The following VCPKMT variants were observed in gnomAD, a reference collection of about 807,000 sequenced individuals.
VCPKMT encodes the protein protein N-lysine methyltransferase METTL21D.
Under a neutral mutation model 28.6 loss-of-function variants are expected in VCPKMT, and 32 were observed. That is an observed-to-expected ratio of 1.12 (90% CI 0.84 to 1.50). VCPKMT has a LOEUF of 1.50. Ranked by LOEUF, VCPKMT falls within the 40% of genes most tolerant of loss-of-function variation. The probability of loss-of-function intolerance (pLI) is 0.00; values close to 1 mark genes in which losing one functional copy is unlikely to be tolerated. For synonymous variants in VCPKMT, 138 were observed against 111.4 expected (o/e 1.24, Z -1.50); for missense variants, 366 against 285.0 (o/e 1.28, Z -2.05).
In VCPKMT at chr14:50,116,422, T is replaced by C; in HGVS notation, c.131A>G (p.Asp44Gly). Residue 44 changes from aspartate (D) to glycine (G), a missense_variant, in exon 1 of 6, where the codon GAC (aspartate) becomes GGC (glycine). By Grantham distance (94) the Asp-to-Gly change is moderately conservative. Transcript: ENST00000395860. ...GTATTTAGAAAGGACAATGGCAGCG[T>C]CCCACACAACGCAACCCACGCCACC... ...SSGGVGCVVW[D>G]AAIVLSKYLE... 1.9e-6 allele frequency: 3 copies of C among 1,613,956 alleles called. No homozygotes were observed. Among genetic ancestry groups the C allele is most frequent in the Non-Finnish European group, 2.5e-6 (3 of 1,179,942 alleles).
At chr14:50,112,849 C>CAT in intron 4 of VCPKMT, 130 bp from the exon 5 acceptor site, 6 of 543,092 alleles carry the variant, frequency 1.1e-5, no homozygotes, top group Non-Finnish European at 1.9e-5. Flanking sequence ...TGCAGTGGTG[C>CAT]GATCTTGGCT....
At chr14:50,104,693 G>GA (rs752691243), downstream of VCPKMT, among the ~76,000 whole-genome samples, 41 of 87,258 alleles carry the variant, frequency 4.7e-4, no homozygotes, top group South Asian at 1.5e-3. Flanking sequence ...TTACTCTATT[G>GA]AAAAAAAAAA....
chr14:50,114,045 G>A (rs1439498573), intron 4 of VCPKMT, among the ~76,000 whole-genome samples: 3 of 152,192 alleles, frequency 2.0e-5, no homozygotes, highest in Non-Finnish European at 4.4e-5. Context: ...TTAAAAAGGA[G>A]TGGCACCCGT....
At chr14:50,110,157 G>C (rs1054327421) in intron 5 of VCPKMT, among the ~76,000 whole-genome samples, 1 of 152,196 alleles carries the variant, frequency 6.6e-6, no homozygotes. Context: ...TCACACAGGA[G>C]AATCACTTGA....
In VCPKMT at chr14:50,113,915, C is replaced by CAAAACAGAAACA. The variant is rs1555366450; in HGVS notation, c.570+369_570+370insTGTTTCTGTTTT. Among the ~76,000 whole-genome samples, 389 of 150,996 alleles carry CAAAACAGAAACA rather than the reference C, an allele frequency of 2.6e-3. 2 individuals are homozygous for CAAAACAGAAACA. The highest frequency in any genetic ancestry group is 8.9e-3 in the African/African-American group (366 of 41,068). Reference sequence around the variant, plus strand: ...TGGGCTACAGGGTGAAACCCTGTCTCAAAACAAAAACAACTTATCACCTGC... The same window carrying CAAAACAGAAACA: ...TGGGCTACAGGGTGAAACCCTGTCTCAAAACAGAAACAAAAACAAAAACAACTTATCACCTGC... On this transcript the variant is annotated intron_variant, in intron 4 of 5. Coordinates refer to ENST00000395860, the MANE Select transcript of VCPKMT (RefSeq NM_024558.3).
Position 50,116,147 on chromosome 14 carries a change from A to G in VCPKMT, c.299T>C (p.Leu100Ser), listed in dbSNP as rs1438561800. The change falls in exon 2 of 6, where the codon TTG becomes TCG. Residue 100 changes from leucine to serine, a missense_variant. Transcript: ENST00000395860. ...ADVVVTDLEE[L>S]QDLLKMNINM... is the part of the protein sequence containing the mutation. Reference sequence around the variant, plus strand: ...AATATTCATCTTCAGCAAGTCTTGCAATTCCTCAAGATCGGTGACTACAAC... The same window carrying G: ...AATATTCATCTTCAGCAAGTCTTGCGATTCCTCAAGATCGGTGACTACAAC... 6.2e-7 allele frequency: 1 copy of G among 1,614,136 alleles called. No homozygotes were observed.
At chr14:50,116,242 C>T (rs751587593) in intron 1 of VCPKMT, 45 bp downstream of exon 1, 1 of 1,611,502 alleles carries the variant, frequency 6.2e-7, no homozygotes, top group African/African-American at 1.3e-5. Context: ...CGGATTTCCC[C>T]AGCAAGAAGG....
Position 50,114,403 on chromosome 14 carries a change from GA to G in VCPKMT, c.451del (p.Ser151LeufsTer6). On this transcript the variant is annotated frameshift_variant and splice_region_variant, in exon 4 of 6. Transcript: ENST00000395860. LOFTEE classifies it high-confidence loss of function. ...LMADCIYYEE[S>X]LEPLLKTLKD... ...TAGAGTTTTCAGCAATGGCTCCAAAGACTATTTAAAAAAGAATATATTTTTT... is the reference window on the plus strand; with the variant it reads ...TAGAGTTTTCAGCAATGGCTCCAAAGCTATTTAAAAAAGAATATATTTTTT... 1 of 1,511,810 alleles carries G rather than the reference GA, an allele frequency of 6.6e-7. No individual in the cohort carries two copies. The highest frequency in any genetic ancestry group is 8.8e-7 in the Non-Finnish European group (1 of 1,132,968). 93.6% of individuals were successfully genotyped at this position (1,511,810 alleles called of 1,614,324 possible). A position where few individuals can be genotyped will look rare whatever the true frequency, so the allele number is the denominator to read the frequency against.
At chr14:50,103,423 C>A in the VCPKMT span, among the ~76,000 whole-genome samples, 1 of 152,194 alleles carries the variant, frequency 6.6e-6, no homozygotes, top group South Asian at 2.1e-4. Context: ...GATCAAGTCT[C>A]AGACTTCAGA....
chr14:50,116,516 G>A lies in VCPKMT; in HGVS notation c.37C>T (p.Leu13=), dbSNP rs777921566. ...DTLESSLEDP[L]RSFVRVLEKR... is the part of the protein sequence containing the mutation. ...TCCAAAACTCGCACAAAGCTCCGCA[G>A]TGGGTCCTCCAGCGAGGACTCCAGC... Residue 13 remains leucine, a synonymous_variant, in exon 1 of 6, where the codon CTG becomes TTG. Coordinates refer to ENST00000395860, the MANE Select transcript of VCPKMT (RefSeq NM_024558.3). 3 of 1,613,452 alleles carry A rather than the reference G, an allele frequency of 1.9e-6. No homozygotes were observed. The highest frequency in any genetic ancestry group is 1.3e-5 in the African/African-American group (1 of 74,920).
In VCPKMT at chr14:50,108,872, C is replaced by T. The variant is rs908393773; in HGVS notation, c.*827G>A. ...GTAGTTATTCAAAAACCTTTCACTG[C>T]TTCATGTAAACAATACCAGTATTTT... On this transcript the variant is annotated 3_prime_UTR_variant, in exon 6 of 6. Coordinates refer to ENST00000395860, the MANE Select transcript of VCPKMT (RefSeq NM_024558.3). The T allele has an allele frequency of 5.2e-5, 51 of 985,298 alleles. No homozygotes were observed. The highest frequency in any genetic ancestry group is 5.2e-4 in the Middle Eastern group (1 of 1,936). 61.0% of individuals were successfully genotyped at this position (985,298 alleles called of 1,614,324 possible). A position where few individuals can be genotyped will look rare whatever the true frequency, so the allele number is the denominator to read the frequency against.
At position 50,114,415 on chromosome 14, in the gene VCPKMT, A is replaced by C. The variant is rs768997670; in HGVS notation, c.451-11T>G. On this transcript the variant is annotated splice_polypyrimidine_tract_variant and intron_variant, in intron 3 of 5. Transcript: ENST00000395860. ...CAATGGCTCCAAAGACTATTTAAAA[A>C]AGAATATATTTTTTGTTTTTGATTT... The C allele has an allele frequency of 1.4e-5, 20 of 1,457,196 alleles. No individual in the cohort carries two copies. The highest frequency in any genetic ancestry group is 1.7e-5 in the Non-Finnish European group (19 of 1,102,704). The allele number at this position is 1,457,196 out of a possible 1,614,324, so 90.3% of individuals were successfully genotyped here.
rs780710551 is a variant in VCPKMT at position 50,109,320 on chromosome 14, C to T, written c.*379G>A. 2.0e-6 allele frequency: 2 copies of T among 1,010,346 alleles called. No homozygotes were observed. The highest frequency in any genetic ancestry group is 2.4e-6 in the Non-Finnish European group (2 of 847,058). The allele number at this position is 1,010,346 out of a possible 1,614,324, so 62.6% of individuals were successfully genotyped here. A position where few individuals can be genotyped will look rare whatever the true frequency, so the allele number is the denominator to read the frequency against. Reference sequence around the variant, plus strand: ...AATTTAAAACATTATTATATAATAGCAGATAGTTCTCTTCAGAAATTTATC... The same window carrying T: ...AATTTAAAACATTATTATATAATAGTAGATAGTTCTCTTCAGAAATTTATC... On this transcript the variant is annotated 3_prime_UTR_variant, in exon 6 of 6. Coordinates refer to ENST00000395860, the MANE Select transcript of VCPKMT (RefSeq NM_024558.3).
chr14:50,106,284 C>T (rs1282614676), downstream of VCPKMT, among the ~76,000 whole-genome samples: 1 of 152,152 alleles, frequency 6.6e-6, no homozygotes, highest in Non-Finnish European at 1.5e-5. Context: ...GGGGTTGCAA[C>T]CCTTTCCCTA....
At position 50,112,610 on chromosome 14, in the gene VCPKMT, T is replaced by C; in HGVS notation, c.675+5A>G. 6.6e-7 allele frequency: 1 copy of C among 1,504,426 alleles called. No homozygotes were observed. The allele number at this position is 1,504,426 out of a possible 1,614,324, so 93.2% of individuals were successfully genotyped here. ...GGAGAATGAAGAACTGAGAATGTTATTTACCGATTTTTTCTTTCTGATGTA... is the reference window on the plus strand; with the variant it reads ...GGAGAATGAAGAACTGAGAATGTTACTTACCGATTTTTTCTTTCTGATGTA... On this transcript the variant is annotated splice_donor_5th_base_variant and intron_variant, in intron 5 of 5. Transcript: ENST00000395860.
In VCPKMT at chr14:50,109,711, T is replaced by G; in HGVS notation, c.678A>C (p.Lys226Asn). ...HIIYIRKKKS[K>N]FPS ...ATGATTAAAGGCTTCACGATGGAAA[T>G]TTCTATAACAAAAAAAAAGGAAACT... The change falls in exon 6 of 6, where the codon AAA becomes AAC. Residue 226 changes from lysine to asparagine, a missense_variant and splice_region_variant. Transcript: ENST00000395860. The G allele has an allele frequency of 6.2e-7, 1 of 1,600,808 alleles. No homozygotes were observed. The highest frequency in any genetic ancestry group is 8.5e-7 in the Non-Finnish European group (1 of 1,174,036).
chr14:50,111,495 G>T, intron 5 of VCPKMT: 1 of 985,360 alleles, frequency 1.0e-6, no homozygotes, highest in Non-Finnish European at 1.2e-6. Flanking sequence ...AAAAGTGTGG[G>T]CTTATTGAAT....
At chr14:50,116,248 G>C (rs1555367190) in intron 1 of VCPKMT, 39 bp downstream of exon 1, 10 of 1,610,966 alleles carry the variant, frequency 6.2e-6, no homozygotes, top group Non-Finnish European at 8.5e-6. Flanking sequence ...TCCCCAGCAA[G>C]AAGGCGCCCC....
intron 5 of VCPKMT, chr14:50,112,167 T>C (rs1325631007): frequency 5.0e-6 from 3 of 605,258 alleles, no homozygotes; most frequent in Admixed American, 1.3e-4. Context: ...AAGAAACTTA[T>C]AAATAGCTAA....
Sources: allele counts gnomAD v4.1 joint callset (sites outside exome capture counted in the v4.1 genomes callset), GRCh38; gene constraint gnomAD v4.1.1; transcripts MANE v1.5; gene names NCBI Gene and HGNC (gene_info 2026-07-23, HGNC 2026-07-21).